PEX14: variants seen among roughly 807,000 people sequenced by gnomAD.
The protein encoded by PEX14 is peroxisomal membrane protein PEX14.
A neutral mutation model predicts 49.5 loss-of-function variants in PEX14; 15 were observed. The observed-to-expected ratio is 0.30, with a 90% CI of 0.20 to 0.47. PEX14 has a LOEUF of 0.47. Ranked by LOEUF, PEX14 falls within the 20% of genes least tolerant of loss-of-function variation. The pLI is 1.00. For missense variants in PEX14, 398 were observed against 494.8 expected (o/e 0.80, Z 1.86); for synonymous variants, 210 against 212.7 (o/e 0.99, Z 0.11).
intron 5 of PEX14, among the ~76,000 whole-genome samples, chr1:10,622,087 C>T (rs1008506259): frequency 8.5e-5 from 13 of 152,122 alleles, no homozygotes; most frequent in Non-Finnish European, 1.5e-4. Flanking sequence ...TGTTCCTACA[C>T]GCAGCTGTCC....
intron 1 of PEX14, among the ~76,000 whole-genome samples, chr1:10,477,056 G>A (rs1415206229): frequency 6.6e-6 from 1 of 151,742 alleles, no homozygotes; most frequent in Non-Finnish European, 1.5e-5. Flanking sequence ...GGCAGCCTGG[G>A]GGAAAAACTT....
chr1:10,629,380 G>A lies in PEX14; in HGVS notation c.678-151G>A. 1.5e-6 allele frequency: 1 copy of A among 675,272 alleles called. No homozygotes were observed. Among genetic ancestry groups the A allele is most frequent in the East Asian group, 2.5e-5 (1 of 40,002 alleles). The allele number at this position is 675,272 out of a possible 1,614,324, so 41.8% of individuals were successfully genotyped here. ...GTAGGATCTTTGCTCCTGAAAGGAG[G>A]GGTGGAAGGGCTCCATCCTGTCCCT... is the stretch of plus-strand genomic sequence containing the variant. On this transcript the variant is annotated intron_variant, in intron 8 of 8. Transcript: ENST00000356607. This position sits in a 1 kb window ranked among gnomAD's most constrained non-coding sequence, Gnocchi z 8.5.
intron 1 of PEX14, among the ~76,000 whole-genome samples, chr1:10,476,188 G>A (rs1486988848): frequency 6.6e-6 from 1 of 152,166 alleles, no homozygotes; most frequent in African/African-American, 2.4e-5. Context: ...GTCTTATTCT[G>A]CACGTCTGTT....
At chr1:10,481,402 A>G (rs1042784796) in intron 1 of PEX14, among the ~76,000 whole-genome samples, 22 of 151,712 alleles carry the variant, frequency 1.5e-4, no homozygotes, top group African/African-American at 5.1e-4. Context: ...GGCCTCCCAC[A>G]GTGCTGGGAG....
intron 3 of PEX14, among the ~76,000 whole-genome samples, chr1:10,584,650 A>G (rs1048117241): frequency 1.3e-5 from 2 of 152,242 alleles, no homozygotes; most frequent in African/African-American, 2.4e-5. Context: ...TCTTTGTACT[A>G]TGCTTTCAGC....
intron 3 of PEX14, among the ~76,000 whole-genome samples, chr1:10,568,464 A>G (rs1328969431): frequency 6.6e-6 from 1 of 151,988 alleles, no homozygotes; most frequent in Non-Finnish European, 1.5e-5. Context: ...TAATCATATA[A>G]TTATTGTCTT....
intron 5 of PEX14, among the ~76,000 whole-genome samples, chr1:10,620,728 C>T (rs1295417044): frequency 2.0e-5 from 3 of 152,154 alleles, no homozygotes; most frequent in East Asian, 1.9e-4. Context: ...GCATAGGTTG[C>T]AGTGAGCCTG....
chr1:10,606,988 C>G (rs1273954591), intron 4 of PEX14, among the ~76,000 whole-genome samples: 1 of 152,220 alleles, frequency 6.6e-6, no homozygotes. Flanking sequence ...TTCCAATACC[C>G]TGAAAGGTTC....
chr1:10,494,274 G>T lies in PEX14; in HGVS notation c.37-1000G>T, dbSNP rs952199239. On this transcript the variant is annotated intron_variant, in intron 1 of 8. Transcript: ENST00000356607. This position sits in a 1 kb window ranked among gnomAD's most constrained non-coding sequence, Gnocchi z 4.3. ...CGGGCCTCTGTCCTTTTCCAAGGCGGCCTGGCACTTCCATCTGATCTGTAA... is the reference window on the plus strand; with the variant it reads ...CGGGCCTCTGTCCTTTTCCAAGGCGTCCTGGCACTTCCATCTGATCTGTAA... 6.6e-6 allele frequency among the ~76,000 whole-genome samples: 1 copy of T among 152,180 alleles called. No individual in the cohort carries two copies. Among genetic ancestry groups the T allele is most frequent in the African/African-American group, 2.4e-5 (1 of 41,440 alleles).
rs1010753646 is a variant in PEX14 at position 10,569,462 on chromosome 1, G to T, written c.170-29776G>T. On this transcript the variant is annotated intron_variant, in intron 3 of 8. Coordinates refer to ENST00000356607, the MANE Select transcript of PEX14 (RefSeq NM_004565.3). ...CTGCCCGCCCTCCCACTGCAGTCTG[G>T]ACTGCGCTCTCTAGACCTGTTCCCC... 1.8e-4 allele frequency among the ~76,000 whole-genome samples: 28 copies of T among 152,266 alleles called. 1 individual carries two copies. Among genetic ancestry groups the T allele is most frequent in the African/African-American group, 6.5e-4 (27 of 41,550 alleles).
chr1:10,548,404 TTAACATAAGGTA>T (rs1639236985), intron 3 of PEX14, among the ~76,000 whole-genome samples: 1 of 152,226 alleles, frequency 6.6e-6, no homozygotes, highest in Admixed American at 6.5e-5. Context: ...TTTTTGAAAC[TTAACATAAGGTA>T]TAACATAAGG....
At chr1:10,572,042 G>T (rs941352781) in intron 3 of PEX14, among the ~76,000 whole-genome samples, 3 of 152,052 alleles carry the variant, frequency 2.0e-5, no homozygotes, top group Admixed American at 2.0e-4. Flanking sequence ...CCAGATACTG[G>T]ACACAAGTTA....
intron 4 of PEX14, among the ~76,000 whole-genome samples, chr1:10,612,237 CA>C (rs1641294662): frequency 6.6e-6 from 1 of 152,042 alleles, no homozygotes; most frequent in Non-Finnish European, 1.5e-5. Flanking sequence ...ATGGCTGTTG[CA>C]AAAATTATCC....
intron 4 of PEX14, among the ~76,000 whole-genome samples, chr1:10,606,787 T>C (rs1557870059): frequency 6.6e-6 from 1 of 152,254 alleles, no homozygotes; most frequent in African/African-American, 2.4e-5. Flanking sequence ...CCTACACCAC[T>C]GGGTAGTGTT....
chr1:10,481,140 C>CTTTTT (rs544692572), intron 1 of PEX14, among the ~76,000 whole-genome samples: 1 of 140,754 alleles, frequency 7.1e-6, no homozygotes, highest in Non-Finnish European at 1.5e-5. Flanking sequence ...CCTTTCCTTC[C>CTTTTT]TTTTTTTTTT....
chr1:10,555,225 A>G (rs1639451426), intron 3 of PEX14, among the ~76,000 whole-genome samples: 2 of 151,350 alleles, frequency 1.3e-5, no homozygotes, highest in South Asian at 4.2e-4. Context: ...TACCTCTCCT[A>G]TCTGCTTTTT....
rs755468161 is a variant in PEX14, at chr1:10,623,007, C to A, written c.385-12C>A. ...TCCGTATGCATTCCTCACCCTGTCC[C>A]GCTTCTTGCAGAAATACCTGCTCCC... On this transcript the variant is annotated splice_polypyrimidine_tract_variant and intron_variant, in intron 5 of 8. Coordinates refer to ENST00000356607, the MANE Select transcript of PEX14 (RefSeq NM_004565.3). This position sits in a 1 kb window ranked among gnomAD's most constrained non-coding sequence, Gnocchi z 4.4. 2.5e-6 allele frequency: 4 copies of A among 1,596,134 alleles called. No homozygotes were observed. The highest frequency in any genetic ancestry group is 3.4e-6 in the Non-Finnish European group (4 of 1,165,308).
intron 2 of PEX14, among the ~76,000 whole-genome samples, chr1:10,525,404 T>C (rs1292870778): frequency 6.6e-6 from 1 of 152,194 alleles, no homozygotes; most frequent in Non-Finnish European, 1.5e-5. Context: ...TGTGTTGATA[T>C]GTTACTTGTG....
At chr1:10,551,293 C>T (rs1335947020) in intron 3 of PEX14, among the ~76,000 whole-genome samples, 1 of 152,176 alleles carries the variant, frequency 6.6e-6, no homozygotes, top group African/African-American at 2.4e-5. Context: ...CATGTCCTTG[C>T]TGTCCATGTG....
Sources: gnomAD v4.1 joint callset for allele counts (sites outside exome capture counted in the v4.1 genomes callset) on GRCh38, gnomAD v4.1.1 for gene constraint, Gnocchi (gnomAD v3.1) non-coding constraint, MANE v1.5 for transcripts, NCBI Gene and HGNC (gene_info 2026-07-23, HGNC 2026-07-21) for gene names.